FRMPD4: variants seen among roughly 807,000 people sequenced by gnomAD.
FRMPD4 encodes FERM and PDZ domain-containing protein 4.
A neutral mutation model predicts 94.1 loss-of-function variants in FRMPD4; 22 were observed. That is an observed-to-expected ratio of 0.23 (90% CI 0.17 to 0.33). FRMPD4 has a LOEUF of 0.33. Among genes scored for constraint, FRMPD4 ranks in the 10% least tolerant of loss-of-function variants. The pLI is 1.00. For missense variants in FRMPD4, 1,111 were observed against 1,339.9 expected, an observed-to-expected ratio of 0.83 and a Z score of 2.67; for synonymous variants, 631 against 548.6, an observed-to-expected ratio of 1.15 and a Z score of -2.10.
At chrX:12,677,646 T>G (rs2059913432) in intron 5 of FRMPD4, among the ~76,000 whole-genome samples, 1 of 111,974 alleles carries the variant, frequency 8.9e-6, no homozygotes, top group African/African-American at 3.2e-5. Context: ...CTTTTGCAAC[T>G]TGCTGGACAG....
chrX:12,225,327 G>A (rs2056910422), intron 1 of FRMPD4, among the ~76,000 whole-genome samples: 1 of 111,825 alleles, frequency 8.9e-6, no homozygotes, highest in Admixed American at 9.5e-5. Context: ...TGTCCCCAAG[G>A]GAAGAGGAAA....
At chrX:12,677,560 G>A (rs1320821900) in intron 5 of FRMPD4, among the ~76,000 whole-genome samples, 1 of 111,273 alleles carries the variant, frequency 9.0e-6, no homozygotes, top group East Asian at 2.8e-4. Flanking sequence ...AAACAGAAAC[G>A]GATGACCCAG....
chrX:12,068,241 T>G (rs1431758067), intron 3 of FRMPD4, among the ~76,000 whole-genome samples: 2 of 112,107 alleles, frequency 1.8e-5, no homozygotes, highest in Non-Finnish European at 3.8e-5. Flanking sequence ...ACTGACACCT[T>G]GACCTTGGCC....
intron 4 of FRMPD4, among the ~76,000 whole-genome samples, chrX:12,640,296 C>CAAAAAAAAA (rs1157854116): frequency 4.2e-5 from 1 of 23,804 alleles, no homozygotes; most frequent in Non-Finnish European, 6.5e-5. Flanking sequence ...GAGGCTGTCT[C>CAAAAAAAAA]AAAAAAAAAA....
chrX:12,380,066 G>A (rs1361493921), intron 1 of FRMPD4, among the ~76,000 whole-genome samples: 1 of 111,565 alleles, frequency 9.0e-6, no homozygotes, highest in African/African-American at 3.3e-5. Flanking sequence ...GGGCTCAACC[G>A]TATGGTAACT....
At chrX:11,875,264 C>T (rs1396903248) in intron 2 of FRMPD4, among the ~76,000 whole-genome samples, 1 of 111,430 alleles carries the variant, frequency 9.0e-6, no homozygotes. Context: ...CTATATAATC[C>T]TAGAAAATAA....
intron 3 of FRMPD4, among the ~76,000 whole-genome samples, chrX:12,113,326 C>G (rs949080139): frequency 8.9e-6 from 1 of 112,376 alleles, no homozygotes; most frequent in Admixed American, 9.4e-5. Context: ...CAAATTACCA[C>G]AAACTTAGTG....
chrX:12,634,688 G>A (rs191964567), intron 4 of FRMPD4, among the ~76,000 whole-genome samples: 1 of 111,123 alleles, frequency 9.0e-6, no homozygotes, highest in South Asian at 3.8e-4. Flanking sequence ...CTTGCCCCTT[G>A]AACGCTACAT....
At chrX:12,653,766 TG>T (rs1248738482) in intron 4 of FRMPD4, among the ~76,000 whole-genome samples, 1,121 of 111,431 alleles carry the variant, frequency 0.01, 15 homozygotes, top group African/African-American at 0.034. Context: ...CACTAATTTT[TG>T]TTTGTTTGTT....
upstream of FRMPD4, among the ~76,000 whole-genome samples, chrX:12,135,426 G>T (rs942544407): frequency 9.2e-6 from 1 of 109,136 alleles, no homozygotes; most frequent in Admixed American, 1.0e-4. Context: ...TTTCAAGGGA[G>T]CAGCTTTTTC....
intron 6 of FRMPD4, among the ~76,000 whole-genome samples, chrX:12,684,743 G>A (rs1014808799): frequency 2.7e-5 from 3 of 112,607 alleles, no homozygotes; most frequent in Non-Finnish European, 3.8e-5. Context: ...GCTTTCGAGC[G>A]TGTAATTGGG....
At chrX:12,394,399 T>C (rs1229513598) in intron 1 of FRMPD4, among the ~76,000 whole-genome samples, 1 of 111,981 alleles carries the variant, frequency 8.9e-6, no homozygotes, top group Non-Finnish European at 1.9e-5. Context: ...CTGTAATCTT[T>C]TTTTCCCCTC....
chrX:12,358,712 A>T (rs1259333847), intron 1 of FRMPD4, among the ~76,000 whole-genome samples: 1 of 112,167 alleles, frequency 8.9e-6, no homozygotes, highest in Non-Finnish European at 1.9e-5. Context: ...AGAGAAAAAC[A>T]TTGTGACACC....
At chrX:12,032,065 T>C (rs1438461540) in intron 3 of FRMPD4, among the ~76,000 whole-genome samples, 1 of 111,881 alleles carries the variant, frequency 8.9e-6, no homozygotes, top group African/African-American at 3.2e-5. Context: ...AGGATTTTGA[T>C]GGGAACGAAA....
chrX:12,584,516 G>C (rs770123272), intron 2 of FRMPD4, among the ~76,000 whole-genome samples: 2 of 111,555 alleles, frequency 1.8e-5, no homozygotes, highest in Non-Finnish European at 3.8e-5. Context: ...ATAGTCACAA[G>C]GTTTGGAAGC....
At chrX:12,435,720 A>T (rs1369506010) in intron 1 of FRMPD4, among the ~76,000 whole-genome samples, 4 of 111,412 alleles carry the variant, frequency 3.6e-5, no homozygotes, top group Non-Finnish European at 5.7e-5. Flanking sequence ...AAACAAGTTT[A>T]CAGGCTGGAC....
chrX:12,374,222 C>A (rs185357087), intron 1 of FRMPD4, among the ~76,000 whole-genome samples: 61 of 112,087 alleles, frequency 5.4e-4, no homozygotes, highest in Admixed American at 8.5e-4. Flanking sequence ...CAACTAGGAG[C>A]TGTTGATAAG....
rs2042253282 is a variant in FRMPD4, at chrX:12,722,216, C to A, written c.*358C>A. On this transcript the variant is annotated 3_prime_UTR_variant, in exon 17 of 17. Transcript: ENST00000675598. ...CCAAGTAGCTACTTGGAAACCATAT[C>A]ATTCATATTTAGAAGTAAAACACAA... 9.0e-6 allele frequency: 1 copy of A among 110,546 alleles called. No homozygotes were observed. Among genetic ancestry groups the A allele is most frequent in the Non-Finnish European group, 1.9e-5 (1 of 52,884 alleles). 9.1% of individuals were successfully genotyped at this position (110,546 alleles called of 1,213,427 possible).
At chrX:12,277,491 G>C (rs980080174) in intron 1 of FRMPD4, among the ~76,000 whole-genome samples, 4 of 112,018 alleles carry the variant, frequency 3.6e-5, no homozygotes, top group Non-Finnish European at 7.5e-5. Context: ...TAATTAGGAA[G>C]ATAAGGGTTA....
Sources: allele counts gnomAD v4.1 joint callset (sites outside exome capture counted in the v4.1 genomes callset), GRCh38; gene constraint gnomAD v4.1.1; transcripts MANE v1.5; gene names NCBI Gene and HGNC (gene_info 2026-07-23, HGNC 2026-07-21).